Variants in CDH13 observed in about 807,000 individuals in gnomAD.
CDH13 encodes cadherin-13.
A neutral mutation model predicts 63.8 loss-of-function variants in CDH13; 24 were observed. That is an observed-to-expected ratio of 0.38 (90% confidence interval 0.27 to 0.53). CDH13 has a LOEUF of 0.53. CDH13 is among the 20% of genes least tolerant of loss of function. The probability of loss-of-function intolerance (pLI) is 0.85; values close to 1 mark genes in which losing one functional copy is unlikely to be tolerated. For missense variants in CDH13, 1,049 were observed against 903.1 expected (o/e 1.16, Z -2.07); for synonymous variants, 503 against 355.3 (o/e 1.42, Z -4.67).
intron 3 of CDH13, among the ~76,000 whole-genome samples, chr16:83,110,648 G>A (rs1567839329): frequency 6.6e-6 from 1 of 152,084 alleles, no homozygotes; most frequent in Non-Finnish European, 1.5e-5. Context: ...GCTCCTCCCT[G>A]GGCCTGGTTA....
chr16:83,166,389 GC>G (rs1263865583), intron 4 of CDH13, among the ~76,000 whole-genome samples: 2 of 152,054 alleles, frequency 1.3e-5, no homozygotes, highest in East Asian at 3.9e-4. Context: ...GAGTAATTGG[GC>G]TAAGATGAGA....
At chr16:83,781,379 TG>T (rs1915511463) in intron 12 of CDH13, among the ~76,000 whole-genome samples, 1 of 152,258 alleles carries the variant, frequency 6.6e-6, no homozygotes, top group African/African-American at 2.4e-5. Context: ...CTTATCCTGC[TG>T]TTGACCCCGT....
intron 2 of CDH13, among the ~76,000 whole-genome samples, chr16:82,901,518 G>C (rs527877738): frequency 8.5e-5 from 13 of 152,188 alleles, no homozygotes; most frequent in African/African-American, 3.1e-4. Context: ...GTGTGTGAGT[G>C]AATAGATCAA....
chr16:83,186,725 C>G (rs1446160995), intron 4 of CDH13, among the ~76,000 whole-genome samples: 1 of 152,072 alleles, frequency 6.6e-6, no homozygotes, highest in African/African-American at 2.4e-5. Context: ...ATCGGATGAG[C>G]TCATTGTAAC....
intron 11 of CDH13, among the ~76,000 whole-genome samples, chr16:83,762,420 G>A (rs1914049326): frequency 6.6e-6 from 1 of 152,126 alleles, no homozygotes; most frequent in Non-Finnish European, 1.5e-5. Context: ...AACCCAAGCG[G>A]TAGAGAGAAC....
intron 4 of CDH13, among the ~76,000 whole-genome samples, chr16:83,140,719 T>C (rs2036494052): frequency 6.6e-6 from 1 of 152,194 alleles, no homozygotes; most frequent in Admixed American, 6.5e-5. Context: ...CCTCCAAAAG[T>C]GCTGGGATTA....
intron 3 of CDH13, among the ~76,000 whole-genome samples, chr16:83,069,628 C>T (rs7198852): frequency 0.26 from 39,257 of 152,044 alleles, 7,465 homozygotes; most frequent in African/African-American, 0.53. Context: ...CTATGCCATG[C>T]TGCCTCTCAG....
chr16:83,116,391 G>T (rs1273746107), intron 3 of CDH13, among the ~76,000 whole-genome samples: 1 of 152,176 alleles, frequency 6.6e-6, no homozygotes. Flanking sequence ...TTCCTGGGCA[G>T]CAGGGATACG....
Position 83,749,052 on chromosome 16 carries a change from G to T in CDH13, c.1681+802G>T, listed in dbSNP as rs570588131. Among the ~76,000 whole-genome samples the T allele has an allele frequency of 2.0e-4, 30 of 152,350 alleles. 2 individuals are homozygous for T. The South Asian group carries it at 5.8e-3, about 29-fold the overall frequency. ...GCTGACAGGATTTGCCGTTAACTGA[G>T]ATGAGGGGATTCCAGTTGGTTTGGG... On this transcript the variant is annotated intron_variant, in intron 11 of 13. Coordinates refer to ENST00000567109, the MANE Select transcript of CDH13 (RefSeq NM_001257.5).
At chr16:82,898,085 A>T (rs1373901394) in intron 2 of CDH13, among the ~76,000 whole-genome samples, 2 of 152,372 alleles carry the variant, frequency 1.3e-5, no homozygotes, top group Admixed American at 1.3e-4. Flanking sequence ...TAAAGAAAAA[A>T]TTATTTTTAA....
intron 1 of CDH13, among the ~76,000 whole-genome samples, chr16:82,752,083 C>T (rs189478156): frequency 7.8e-4 from 119 of 152,212 alleles, no homozygotes; most frequent in African/African-American, 2.7e-3. Flanking sequence ...ACAGAATATC[C>T]CCCAAAGCAG....
At chr16:83,494,839 G>C (rs1315558095) in intron 7 of CDH13, among the ~76,000 whole-genome samples, 2 of 152,144 alleles carry the variant, frequency 1.3e-5, no homozygotes, top group Non-Finnish European at 2.9e-5. Context: ...TAGGATAAAA[G>C]CTTGTTGATC....
chr16:83,323,952 C>T (rs1019568), intron 5 of CDH13, among the ~76,000 whole-genome samples: 86,186 of 151,778 alleles, frequency 0.57, 24,522 homozygotes, highest in Middle Eastern at 0.65. Flanking sequence ...ACACACCACA[C>T]AATTCACCCA....
intron 1 of CDH13, among the ~76,000 whole-genome samples, chr16:82,784,224 C>G (rs1366533400): frequency 2.6e-5 from 4 of 152,266 alleles, no homozygotes; most frequent in South Asian, 2.1e-4. Flanking sequence ...GATGGGTGAC[C>G]CTGCCATTTT....
At chr16:82,778,855 A>T (rs911204836) in intron 1 of CDH13, among the ~76,000 whole-genome samples, 1 of 152,200 alleles carries the variant, frequency 6.6e-6, no homozygotes, top group Non-Finnish European at 1.5e-5. Context: ...TAAAATGCTT[A>T]GATTAGCTGA....
intron 1 of CDH13, chr16:82,637,668 A>G (rs1228264914): frequency 6.7e-6 from 1 of 148,992 alleles, no homozygotes; most frequent in Non-Finnish European, 1.5e-5. Flanking sequence ...CGATCTCCTG[A>G]CCTCGTGATC....
rs896586706 is a variant in CDH13, at chr16:82,627,107, T to G, written c.15T>G (p.Thr5=). Residue 5 remains threonine (T), a synonymous_variant, in exon 1 of 14, where the codon ACT becomes ACG. Transcript: ENST00000567109. ...AGTCGGACAAAATGCAGCCGAGAAC[T>G]CCGCTCGTTCTGTGCGTTCTCCTGT... is the stretch of plus-strand genomic sequence containing the variant. MQPR[T]PLVLCVLLSQ... 4 of 1,605,688 alleles carry G rather than the reference T, an allele frequency of 2.5e-6. No individual in the cohort carries two copies. In the African/African-American group the frequency reaches 5.3e-5, roughly 21 times the overall value.
At chr16:82,627,337 C>CGTGCGTGTGTGTGTGTGTGTGTGTGT (rs1555525839) in intron 1 of CDH13, among the ~76,000 whole-genome samples, 200 bp downstream of exon 1, 34 of 131,250 alleles carry the variant, frequency 2.6e-4, no homozygotes, top group Non-Finnish European at 4.8e-4. Flanking sequence ...CTCTGGCGTG[C>CGTGCGTGTGTGTGTGTGTGTGTGTGT]GTGTGTGTGT....
intron 4 of CDH13, among the ~76,000 whole-genome samples, chr16:83,206,739 G>C (rs2039194755): frequency 1.3e-5 from 2 of 151,252 alleles, no homozygotes; most frequent in South Asian, 4.2e-4. Flanking sequence ...TTGTGTGGGT[G>C]AGCTAGAAAA....
Sources: allele counts gnomAD v4.1 joint callset (sites outside exome capture counted in the v4.1 genomes callset), GRCh38; gene constraint gnomAD v4.1.1; transcripts MANE v1.5; gene names NCBI Gene and HGNC (gene_info 2026-07-23, HGNC 2026-07-21).